SLC9A9: variants seen among roughly 807,000 people sequenced by gnomAD.
SLC9A9 encodes the protein solute carrier family 9 member A9, also known as sodium/hydrogen exchanger 9.
Under a neutral mutation model 77.8 loss-of-function variants are expected in SLC9A9, and 62 were observed. The observed-to-expected ratio is 0.80, with a 90% CI of 0.65 to 0.98. The LOEUF is 0.98. Among genes scored for constraint, SLC9A9 ranks in the 50% least tolerant of loss-of-function variants. SLC9A9 has a pLI of 0.00. For missense variants in SLC9A9, 775 were observed against 774.9 expected, an observed-to-expected ratio of 1.00 and a Z score of 0.00; for synonymous variants, 320 against 283.5, an observed-to-expected ratio of 1.13 and a Z score of -1.29.
intron 2 of SLC9A9, among the ~76,000 whole-genome samples, chr3:143,799,749 C>T (rs993409989): frequency 5.9e-5 from 9 of 152,232 alleles, no homozygotes; most frequent in Non-Finnish European, 1.2e-4. Context: ...CTCAGCTTAG[C>T]GGCTGAAGAC....
chr3:143,625,108 T>C (rs2038294470), intron 6 of SLC9A9, among the ~76,000 whole-genome samples: 1 of 152,086 alleles, frequency 6.6e-6, no homozygotes, highest in Non-Finnish European at 1.5e-5. Flanking sequence ...CTCAATGAAA[T>C]AAAAGAAGAC....
intron 12 of SLC9A9, among the ~76,000 whole-genome samples, chr3:143,411,167 C>T (rs1345276897): frequency 6.6e-6 from 1 of 152,156 alleles, no homozygotes; most frequent in Non-Finnish European, 1.5e-5. Context: ...TTTAGATAAT[C>T]AGTAAGTAAC....
At chr3:143,682,441 G>T (rs542655875) in intron 5 of SLC9A9, among the ~76,000 whole-genome samples, 1 of 152,056 alleles carries the variant, frequency 6.6e-6, no homozygotes, top group African/African-American at 2.4e-5. Flanking sequence ...TAAAAGCATT[G>T]TGCATACATT....
In SLC9A9 at chr3:143,810,914, A is replaced by G. The variant is rs73869026; in HGVS notation, c.379-14011T>C. On this transcript the variant is annotated intron_variant, in intron 2 of 15. Transcript: ENST00000316549. ...AAGGTGCTGGGATAAGCTGTAATTC[A>G]GAGTTTTCTATGACAGGGACACCAT... 3.1e-3 allele frequency among the ~76,000 whole-genome samples: 479 copies of G among 152,342 alleles called. 1 individual carries two copies. Among genetic ancestry groups the G allele is most frequent in the African/African-American group, 0.011 (455 of 41,576 alleles).
chr3:143,468,809 T>C (rs1350146977), intron 11 of SLC9A9, among the ~76,000 whole-genome samples: 1 of 152,240 alleles, frequency 6.6e-6, no homozygotes, highest in Non-Finnish European at 1.5e-5. Flanking sequence ...CTTTTTCTTT[T>C]GTAATATTAT....
intron 4 of SLC9A9, among the ~76,000 whole-genome samples, chr3:143,757,652 G>A (rs1396228756): frequency 1.3e-5 from 2 of 152,054 alleles, no homozygotes; most frequent in African/African-American, 2.4e-5. Flanking sequence ...CATCTCAAAC[G>A]TGTGCCTGCC....
intron 4 of SLC9A9, among the ~76,000 whole-genome samples, chr3:143,717,706 T>A (rs766139265): frequency 6.6e-6 from 1 of 152,200 alleles, no homozygotes; most frequent in Non-Finnish European, 1.5e-5. Context: ...TGTTTGTGAA[T>A]TCTGATATAC....
intron 4 of SLC9A9, among the ~76,000 whole-genome samples, chr3:143,749,057 G>T (rs1186985308): frequency 2.0e-5 from 3 of 151,892 alleles, no homozygotes; most frequent in African/African-American, 4.8e-5. Flanking sequence ...CCTTAATTTT[G>T]CTTCATGAAT....
chr3:143,636,299 T>C (rs972435740), intron 6 of SLC9A9, among the ~76,000 whole-genome samples: 2 of 152,218 alleles, frequency 1.3e-5, no homozygotes, highest in African/African-American at 4.8e-5. Flanking sequence ...CATGTTATCA[T>C]TAATTGTTGC....
At chr3:143,407,612 G>T (rs2034007302) in intron 12 of SLC9A9, among the ~76,000 whole-genome samples, 1 of 152,088 alleles carries the variant, frequency 6.6e-6, no homozygotes, top group African/African-American at 2.4e-5. Flanking sequence ...CTTAATTTCA[G>T]AGAATTGCAA....
intron 5 of SLC9A9, among the ~76,000 whole-genome samples, chr3:143,684,559 T>C (rs1271824875): frequency 2.0e-5 from 3 of 152,060 alleles, no homozygotes; most frequent in Non-Finnish European, 4.4e-5. Context: ...CTTGAACCTG[T>C]GACATGTTAC....
At chr3:143,686,253 T>C (rs2108777122) in intron 5 of SLC9A9, among the ~76,000 whole-genome samples, 1 of 151,990 alleles carries the variant, frequency 6.6e-6, no homozygotes, top group East Asian at 1.9e-4. Flanking sequence ...GTTCTAGATA[T>C]CAGAACTGTA....
chr3:143,393,682 A>G (rs1172061938), intron 12 of SLC9A9, among the ~76,000 whole-genome samples: 2 of 152,152 alleles, frequency 1.3e-5, no homozygotes, highest in African/African-American at 4.8e-5. Context: ...TGAAAAGATC[A>G]ACAAAATTGA....
At chr3:143,504,685 G>C (rs560484212) in intron 9 of SLC9A9, among the ~76,000 whole-genome samples, 1 of 152,054 alleles carries the variant, frequency 6.6e-6, no homozygotes, top group African/African-American at 2.4e-5. Flanking sequence ...GACCTAAATT[G>C]TACTAAGAAA....
chr3:143,733,222 C>A (rs1354541065), intron 4 of SLC9A9, among the ~76,000 whole-genome samples: 1 of 151,954 alleles, frequency 6.6e-6, no homozygotes, highest in Admixed American at 6.5e-5. Context: ...AAGCAAAGGC[C>A]ATAAAGGACC....
intron 13 of SLC9A9, chr3:143,381,821 C>A: frequency 1.9e-6 from 1 of 533,240 alleles, no homozygotes; most frequent in Non-Finnish European, 3.4e-6. Flanking sequence ...TGTAAAGTTT[C>A]CAGACTTCCT....
chr3:143,590,658 G>T (rs941248099), intron 6 of SLC9A9, among the ~76,000 whole-genome samples: 8 of 152,200 alleles, frequency 5.3e-5, no homozygotes, highest in Admixed American at 3.3e-4. Context: ...TGAACTTTTA[G>T]CAGCCTTTCA....
chr3:143,720,824 G>GTTTAGGATT (rs543830674), intron 4 of SLC9A9, among the ~76,000 whole-genome samples: 3,951 of 150,022 alleles, frequency 0.026, 159 homozygotes, highest in African/African-American at 0.094. Flanking sequence ...TCTGGGTCCA[G>GTTTAGGATT]CCCATATTGG....
chr3:143,497,517 G>A (rs1040281743), intron 9 of SLC9A9, among the ~76,000 whole-genome samples: 1 of 152,162 alleles, frequency 6.6e-6, no homozygotes, highest in Admixed American at 6.5e-5. Flanking sequence ...TGAGACAAAG[G>A]CCCCCACCTT....
Sources: gnomAD v4.1 joint callset for allele counts (sites outside exome capture counted in the v4.1 genomes callset) on GRCh38, gnomAD v4.1.1 for gene constraint, MANE v1.5 for transcripts, NCBI Gene and HGNC (gene_info 2026-07-23, HGNC 2026-07-21) for gene names.